The following SEMA3E variants were observed in gnomAD, a reference collection of about 807,000 sequenced individuals.
The protein encoded by SEMA3E is semaphorin 3E, also known as semaphorin-3E.
SEMA3E carries 49 observed loss-of-function variants against 93.6 expected under a neutral mutation model. The observed-to-expected ratio is 0.52, with a 90% CI of 0.42 to 0.66. The LOEUF is 0.66. Among genes scored for constraint, SEMA3E ranks in the 30% least tolerant of loss-of-function variants. The pLI is 0.00. For missense variants in SEMA3E, 906 were observed against 964.8 expected (o/e 0.94, Z 0.81); for synonymous variants, 363 against 330.7 (o/e 1.10, Z -1.06).
chr7:83,496,312 T>A (rs1017022867), intron 1 of SEMA3E, among the ~76,000 whole-genome samples: 10 of 151,976 alleles, frequency 6.6e-5, no homozygotes, highest in African/African-American at 2.4e-4. Context: ...TTATAATGTG[T>A]CAGAAATGAA....
intron 4 of SEMA3E, among the ~76,000 whole-genome samples, chr7:83,440,442 T>C (rs1420736129): frequency 6.6e-6 from 1 of 152,190 alleles, no homozygotes; most frequent in African/African-American, 2.4e-5. Flanking sequence ...GTGATAAGCA[T>C]ATTTCTTACT....
intron 1 of SEMA3E, among the ~76,000 whole-genome samples, chr7:83,639,047 G>C (rs371189664): frequency 0.015 from 2,216 of 143,546 alleles, 48 homozygotes; most frequent in African/African-American, 0.048. Flanking sequence ...GGAGGCGGAG[G>C]TTGCAGTGAG....
intron 1 of SEMA3E, among the ~76,000 whole-genome samples, chr7:83,645,719 TTCTCTCTC>T (rs57724559): frequency 8.7e-4 from 128 of 146,444 alleles, no homozygotes; most frequent in Middle Eastern, 3.5e-3. Context: ...CCTTGTCTCC[TTCTCTCTC>T]TCTCTCTCTC....
intron 11 of SEMA3E, among the ~76,000 whole-genome samples, chr7:83,399,161 G>A (rs541270186): frequency 2.6e-5 from 4 of 152,052 alleles, no homozygotes; most frequent in Non-Finnish European, 5.9e-5. Flanking sequence ...ATCAACTACT[G>A]TAGCAATTAT....
intron 4 of SEMA3E, among the ~76,000 whole-genome samples, chr7:83,427,035 C>G (rs751001615): frequency 3.9e-5 from 6 of 151,954 alleles, no homozygotes; most frequent in Non-Finnish European, 8.8e-5. Context: ...AAAAAGAAAT[C>G]AAAGATTGAA....
chr7:83,392,758 A>G (rs1344892922), intron 13 of SEMA3E, 37 bp from the exon 14 acceptor site: 1 of 1,600,308 alleles, frequency 6.2e-7, no homozygotes, highest in Non-Finnish European at 8.6e-7. Context: ...GCAGAAATGG[A>G]CAAAACTTTC....
chr7:83,488,543 C>A (rs750000250), intron 2 of SEMA3E, among the ~76,000 whole-genome samples: 1 of 152,106 alleles, frequency 6.6e-6, no homozygotes, highest in African/African-American at 2.4e-5. Flanking sequence ...GTGGTTTCAA[C>A]CTAGAATTTT....
chr7:83,393,520 C>T (rs566226292), intron 13 of SEMA3E, among the ~76,000 whole-genome samples: 2 of 152,212 alleles, frequency 1.3e-5, no homozygotes, highest in Admixed American at 1.3e-4. Context: ...CACAGTGAGA[C>T]TTTATCTCAA....
At chr7:83,394,561 G>A (rs1330177918) in intron 12 of SEMA3E, among the ~76,000 whole-genome samples, 1 of 143,674 alleles carries the variant, frequency 7.0e-6, no homozygotes, top group Non-Finnish European at 1.5e-5. Flanking sequence ...AGAGCAGCAG[G>A]AAATCTAACC....
chr7:83,648,208 A>C (rs975792801), intron 1 of SEMA3E, among the ~76,000 whole-genome samples: 5 of 152,034 alleles, frequency 3.3e-5, no homozygotes, highest in Non-Finnish European at 5.9e-5. Context: ...TAACATCTCT[A>C]AGTTGACATG....
At chr7:83,586,932 C>A (rs568577715) in intron 1 of SEMA3E, among the ~76,000 whole-genome samples, 1 of 152,180 alleles carries the variant, frequency 6.6e-6, no homozygotes, top group African/African-American at 2.4e-5. Flanking sequence ...TTGTTTCTTT[C>A]AGCATAGGAG....
intron 1 of SEMA3E, among the ~76,000 whole-genome samples, chr7:83,558,991 A>G (rs751331036): frequency 6.6e-6 from 1 of 152,232 alleles, no homozygotes; most frequent in East Asian, 1.9e-4. Context: ...CAAATAGAGT[A>G]TAATTTTAAC....
chr7:83,647,123 T>G (rs1170804350), intron 1 of SEMA3E, among the ~76,000 whole-genome samples: 1 of 152,124 alleles, frequency 6.6e-6, no homozygotes, highest in Non-Finnish European at 1.5e-5. Context: ...TTTTAAACAC[T>G]TTACCAATTT....
Position 83,570,552 on chromosome 7 carries a change from C to CAAAAAAAAAA in SEMA3E, c.115+77866_115+77875dup, listed in dbSNP as rs59715914. ...TGGGCGACAGAGCGAGACTCCGTCT[C>CAAAAAAAAAA]AAAAAAAAAAAAAAAAAAAAGAAGT... On this transcript the variant is annotated intron_variant, in intron 1 of 16. Transcript: ENST00000643230. Among the ~76,000 whole-genome samples, 51 of 32,946 alleles carry CAAAAAAAAAA rather than the reference C, an allele frequency of 1.5e-3. 1 individual carries two copies. Among genetic ancestry groups the CAAAAAAAAAA allele is most frequent in the African/African-American group, 2.5e-3 (11 of 4,346 alleles). The allele number at this position is 32,946 out of a possible 152,430, so 21.6% of individuals were successfully genotyped here. A position where few individuals can be genotyped will look rare whatever the true frequency, so the allele number is the denominator to read the frequency against.
chr7:83,505,632 T>G (rs968963524), intron 1 of SEMA3E, among the ~76,000 whole-genome samples: 1 of 152,108 alleles, frequency 6.6e-6, no homozygotes, highest in African/African-American at 2.4e-5. Flanking sequence ...TTCTAGAAAT[T>G]TTTTATTTGT....
At position 83,392,583 on chromosome 7, in the gene SEMA3E, A is replaced by C. The variant is rs1268026769; in HGVS notation, c.1639T>G (p.Tyr547Asp). The change falls in exon 14 of 17, where the codon TAT (tyrosine) becomes GAT (aspartate). Residue 547 changes from tyrosine (Y) to aspartate (D), a missense_variant. Coordinates refer to ENST00000643230, the MANE Select transcript of SEMA3E (RefSeq NM_012431.3). ...CAWDGISCSR[Y>D]YPTGTHAKRR... ...TTTGCATGTGTGCCTGTTGGGTAAT[A>C]CCGGGAGCAGGATATGCCATCCCAG... is the stretch of plus-strand genomic sequence containing the variant. The C allele has an allele frequency of 1.9e-6, 3 of 1,613,590 alleles. No homozygotes were observed. Among genetic ancestry groups the C allele is most frequent in the Non-Finnish European group, 2.5e-6 (3 of 1,179,814 alleles).
chr7:83,461,069 A>G (rs1486525182), intron 4 of SEMA3E, among the ~76,000 whole-genome samples: 2 of 152,118 alleles, frequency 1.3e-5, no homozygotes, highest in Admixed American at 6.5e-5. Flanking sequence ...ACTGGACAGT[A>G]GTTCCAAATA....
At chr7:83,517,817 C>T (rs953573123) in intron 1 of SEMA3E, among the ~76,000 whole-genome samples, 3 of 152,072 alleles carry the variant, frequency 2.0e-5, no homozygotes, top group Non-Finnish European at 4.4e-5. Context: ...AATGAAATTT[C>T]CTGGTTTGTA....
At chr7:83,482,560 G>A (rs574656814) in intron 2 of SEMA3E, among the ~76,000 whole-genome samples, 73 of 59,602 alleles carry the variant, frequency 1.2e-3, no homozygotes, top group Middle Eastern at 0.016. Context: ...GCCACACTCC[G>A]TCTCAAAAAA....
Sources: allele counts gnomAD v4.1 joint callset (sites outside exome capture counted in the v4.1 genomes callset), GRCh38; gene constraint gnomAD v4.1.1; transcripts MANE v1.5; gene names NCBI Gene and HGNC (gene_info 2026-07-23, HGNC 2026-07-21).